ZDHHC14: variants seen among roughly 807,000 people sequenced by gnomAD.
ZDHHC14 encodes the protein palmitoyltransferase ZDHHC14.
In ZDHHC14, 16 loss-of-function variants were observed where a neutral mutation model predicts 47.7. That is an observed-to-expected ratio of 0.34 (90% CI 0.23 to 0.51). ZDHHC14 has a LOEUF of 0.51. Among genes scored for constraint, ZDHHC14 ranks in the 20% least tolerant of loss-of-function variants. The pLI is 0.97. For synonymous variants in ZDHHC14, 293 were observed against 278.9 expected (o/e 1.05, Z -0.50); for missense variants, 515 against 662.5 (o/e 0.78, Z 2.44).
intron 1 of ZDHHC14, among the ~76,000 whole-genome samples, chr6:157,403,031 A>T (rs1318904163): frequency 1.3e-5 from 2 of 152,252 alleles, no homozygotes; most frequent in Non-Finnish European, 2.9e-5. Context: ...CACCATGCCC[A>T]GCCTGGCGAT....
At chr6:157,557,837 G>A (rs1782538989) in intron 2 of ZDHHC14, among the ~76,000 whole-genome samples, 1 of 152,252 alleles carries the variant, frequency 6.6e-6, no homozygotes, top group Non-Finnish European at 1.5e-5. Flanking sequence ...AATCCGGGCA[G>A]AGTACTGGGG....
chr6:157,639,669 C>T (rs1158610696), intron 5 of ZDHHC14, among the ~76,000 whole-genome samples: 3 of 152,100 alleles, frequency 2.0e-5, no homozygotes, highest in East Asian at 1.9e-4. Context: ...AAGGCCCCCA[C>T]GGGGGAAATC....
At chr6:157,539,563 G>C (rs536253953) in intron 1 of ZDHHC14, among the ~76,000 whole-genome samples, 2 of 152,276 alleles carry the variant, frequency 1.3e-5, no homozygotes, top group African/African-American at 4.8e-5. Context: ...TTCTATTTAA[G>C]AAGAGGGAAA....
intron 7 of ZDHHC14, 59 bp downstream of exon 7, chr6:157,647,427 C>T (rs960808717): frequency 2.4e-5 from 34 of 1,406,160 alleles, no homozygotes; most frequent in Middle Eastern, 1.8e-4. Flanking sequence ...ATGCCTCGGC[C>T]GTTAGCACAG....
At chr6:157,526,103 A>G (rs1190178801) in intron 1 of ZDHHC14, among the ~76,000 whole-genome samples, 2 of 152,210 alleles carry the variant, frequency 1.3e-5, no homozygotes, top group African/African-American at 4.8e-5. Context: ...GGGAAGTGTG[A>G]AGGTTACCAG....
chr6:157,461,016 C>A (rs936405918), intron 1 of ZDHHC14, among the ~76,000 whole-genome samples: 1 of 152,196 alleles, frequency 6.6e-6, no homozygotes, highest in African/African-American at 2.4e-5. Context: ...TGACTGGCAG[C>A]CACAGCAATT....
intron 3 of ZDHHC14, among the ~76,000 whole-genome samples, chr6:157,596,560 T>TTGGC (rs1784138879): frequency 6.6e-6 from 1 of 152,138 alleles, no homozygotes; most frequent in African/African-American, 2.4e-5. Context: ...TCTGGTCAAA[T>TTGGC]ATAGAGTTAG....
At chr6:157,672,017 C>T (rs1316565471) in intron 8 of ZDHHC14, among the ~76,000 whole-genome samples, 1 of 152,202 alleles carries the variant, frequency 6.6e-6, no homozygotes, top group Non-Finnish European at 1.5e-5. Flanking sequence ...CTTCCTCCCG[C>T]CCCAGCAGCC....
At chr6:157,572,210 A>G (rs888982710) in intron 2 of ZDHHC14, among the ~76,000 whole-genome samples, 9 of 152,092 alleles carry the variant, frequency 5.9e-5, no homozygotes, top group Non-Finnish European at 1.2e-4. Context: ...ATTGTAGGAC[A>G]TTTAGCAACA....
intron 2 of ZDHHC14, among the ~76,000 whole-genome samples, chr6:157,591,328 T>A (rs1783901371): frequency 6.6e-6 from 1 of 152,194 alleles, no homozygotes; most frequent in African/African-American, 2.4e-5. Flanking sequence ...GTGGTTCCCA[T>A]AATCTGTACA....
intron 8 of ZDHHC14, among the ~76,000 whole-genome samples, chr6:157,658,024 A>G (rs1778178626): frequency 6.6e-6 from 1 of 152,240 alleles, no homozygotes; most frequent in Non-Finnish European, 1.5e-5. Flanking sequence ...AAGTTAAGAC[A>G]TGTCAAGCAC....
chr6:157,592,827 A>T (rs374238534), intron 2 of ZDHHC14, 161 bp from the exon 3 acceptor site: 15 of 1,440,000 alleles, frequency 1.0e-5, no homozygotes, highest in Middle Eastern at 5.2e-4. Flanking sequence ...GTCCCAGCGG[A>T]GGGTGAGTCC....
At chr6:157,554,670 A>G (rs1051133033) in intron 2 of ZDHHC14, among the ~76,000 whole-genome samples, 5 of 152,218 alleles carry the variant, frequency 3.3e-5, no homozygotes, top group Non-Finnish European at 7.3e-5. Flanking sequence ...TCTCGGATGT[A>G]TCCATCTTAT....
chr6:157,479,363 GTTCATATT>G (rs1408253894), intron 1 of ZDHHC14, among the ~76,000 whole-genome samples: 1 of 152,124 alleles, frequency 6.6e-6, no homozygotes, highest in Admixed American at 6.5e-5. Context: ...TTTTTACTGT[GTTCATATT>G]TTCAGTTGGA....
At chr6:157,672,641 C>CCTT in intron 8 of ZDHHC14, 83 bp from the exon 9 acceptor site, 4 of 503,004 alleles carry the variant, frequency 8.0e-6, no homozygotes, top group Non-Finnish European at 1.0e-5. Flanking sequence ...CCTCCCCGCC[C>CCTT]GTGCCCTGTC....
chr6:157,522,848 CCTTT>C (rs1212681374), intron 1 of ZDHHC14, among the ~76,000 whole-genome samples: 1 of 34,744 alleles, frequency 2.9e-5, no homozygotes, highest in Non-Finnish European at 4.9e-5. Flanking sequence ...TTCCTTCCTT[CCTTT>C]CCTCCCTTCT....
At chr6:157,567,884 A>G (rs142437171) in intron 2 of ZDHHC14, among the ~76,000 whole-genome samples, 5,521 of 152,140 alleles carry the variant, frequency 0.036, 141 homozygotes, top group Non-Finnish European at 0.056. Flanking sequence ...AAGTGAGCTA[A>G]TATTTGGACT....
intron 5 of ZDHHC14, among the ~76,000 whole-genome samples, chr6:157,644,208 G>T (rs1777402674): frequency 6.6e-6 from 1 of 152,210 alleles, no homozygotes; most frequent in Admixed American, 6.5e-5. Flanking sequence ...AATCCCAGGG[G>T]AGTTGCCTCC....
At chr6:157,638,279 T>C (rs1425950870) in intron 5 of ZDHHC14, among the ~76,000 whole-genome samples, 3 of 152,180 alleles carry the variant, frequency 2.0e-5, no homozygotes, top group Non-Finnish European at 4.4e-5. Flanking sequence ...TCAGAGTCCA[T>C]AGTCGGTTCT....
Sources: allele counts gnomAD v4.1 joint callset (sites outside exome capture counted in the v4.1 genomes callset), GRCh38; gene constraint gnomAD v4.1.1; transcripts MANE v1.5; gene names NCBI Gene and HGNC (gene_info 2026-07-23, HGNC 2026-07-21).